Variants in CORO2B observed in about 807,000 individuals in gnomAD.
The protein encoded by CORO2B is coronin-2B.
A neutral mutation model predicts 58.8 loss-of-function variants in CORO2B; 26 were observed. The ratio of observed to expected loss-of-function variants is 0.44; its 90% CI spans 0.32 to 0.61. The LOEUF (loss-of-function observed/expected upper bound fraction) is 0.61. Ranked by LOEUF, CORO2B falls within the 20% of genes least tolerant of loss-of-function variation. The pLI is 0.04. For synonymous variants in CORO2B, 242 were observed against 253.8 expected (o/e 0.95, Z 0.44); for missense variants, 460 against 645.1 (o/e 0.71, Z 3.11).
Position 68,695,209 on chromosome 15 carries a change from A to T in CORO2B, c.286A>T (p.Asn96Tyr). ...GGGCAATGTGCTGGATATCAAATGG[A>T]ACCCCTTCATCGACAACATCATTGC... ...HQGNVLDIKWNPFIDNIIASC... is the reference protein window; with the variant it reads ...HQGNVLDIKWYPFIDNIIASC... Residue 96 changes from asparagine to tyrosine, a missense_variant, in exon 3 of 12, where the codon AAC becomes TAC. Physicochemically the swap from Asn to Tyr is moderately radical, Grantham distance 143 (BLOSUM62 -2). Around this residue, in one of 2 missense-constraint regions of CORO2B, gnomAD observed 352 missense variants for 543.0 expected, o/e 0.65. Transcript: ENST00000261861. 6.2e-7 allele frequency: 1 copy of T among 1,614,158 alleles called. No homozygotes were observed. Among genetic ancestry groups the T allele is most frequent in the Non-Finnish European group, 8.5e-7 (1 of 1,180,034 alleles).
At chr15:68,716,500 A>G (rs960141383) in intron 8 of CORO2B, among the ~76,000 whole-genome samples, 1 of 152,224 alleles carries the variant, frequency 6.6e-6, no homozygotes, top group Non-Finnish European at 1.5e-5. Context: ...AAAACAGAAC[A>G]TGGCCTTACT....
intron 2 of CORO2B, among the ~76,000 whole-genome samples, chr15:68,658,009 G>A (rs915330380): frequency 6.6e-6 from 1 of 152,256 alleles, no homozygotes; most frequent in Non-Finnish European, 1.5e-5. Context: ...CTTCACTCCT[G>A]TGGGGCTCCC....
the CORO2B span, among the ~76,000 whole-genome samples, chr15:68,573,191 C>A: frequency 6.6e-6 from 1 of 152,030 alleles, no homozygotes; most frequent in Non-Finnish European, 1.5e-5. Context: ...GGCAGGGCCC[C>A]CCAACCCCCA....
intron 2 of CORO2B, among the ~76,000 whole-genome samples, chr15:68,689,921 G>A (rs979165892): frequency 1.3e-5 from 2 of 152,194 alleles, no homozygotes; most frequent in African/African-American, 4.8e-5. Flanking sequence ...GAGCCTACTG[G>A]TAAAATTTTT....
At chr15:68,631,909 T>C in intron 1 of CORO2B, 2 of 982,758 alleles carry the variant, frequency 2.0e-6, no homozygotes, top group Non-Finnish European at 2.4e-6. Flanking sequence ...GCTGCTGGAA[T>C]GGCCCCAGAT....
rs569100972 is a variant in CORO2B, at chr15:68,605,753, C to T, written c.15+26476C>T. Among the ~76,000 whole-genome samples the T allele has an allele frequency of 2.1e-3, 246 of 117,100 alleles. 1 individual carries two copies. Among genetic ancestry groups the T allele is most frequent in the Admixed American group, 4.4e-3 (36 of 8,212 alleles). 76.8% of individuals were successfully genotyped at this position (117,100 alleles called of 152,430 possible). The stretch of plus-strand genomic sequence containing the variant: ...TTTTTTTTTTTTTGAGATGGAGTCT[C>T]GCTGTGTCGCCCAGGCGGGAGTGCA... On this transcript the variant is annotated intron_variant, in intron 1 of 11. Transcript: ENST00000261861.
chr15:68,702,815 CTTTTTCTTTTTT>C (rs1892684503), intron 3 of CORO2B, among the ~76,000 whole-genome samples: 1 of 127,984 alleles, frequency 7.8e-6, no homozygotes, highest in South Asian at 2.4e-4. Context: ...TTTTCTTTTT[CTTTTTCTTTTTT>C]TTTTTTTTTT....
intron 2 of CORO2B, among the ~76,000 whole-genome samples, chr15:68,657,517 C>CAAAA (rs373642309): frequency 1.1e-4 from 10 of 87,036 alleles, no homozygotes; most frequent in South Asian, 8.6e-4. Flanking sequence ...GATCCTGTCT[C>CAAAA]AAAAAAAAAA....
intron 2 of CORO2B, among the ~76,000 whole-genome samples, chr15:68,684,494 G>A (rs2140304932): frequency 6.6e-6 from 1 of 152,244 alleles, no homozygotes; most frequent in African/African-American, 2.4e-5. Context: ...ACGTACATAT[G>A]TGTGTGTGTG....
rs1567018611 is a variant in CORO2B, at chr15:68,714,463, A to G, written c.766-96A>G. 3.3e-6 allele frequency: 3 copies of G among 896,572 alleles called. No individual in the cohort carries two copies. In the African/African-American group the frequency reaches 4.9e-5, roughly 15 times the overall value. The allele number at this position is 896,572 out of a possible 1,614,324, so 55.5% of individuals were successfully genotyped here. ...TTTAACATCTAGGGGAGGTCTTAAC[A>G]TAAAGTAGTTGCCATCCTAAGAGGC... On this transcript the variant is annotated intron_variant, in intron 6 of 11. Coordinates refer to ENST00000261861, the MANE Select transcript of CORO2B (RefSeq NM_006091.5).
intron 2 of CORO2B, among the ~76,000 whole-genome samples, chr15:68,658,851 C>T (rs1385329533): frequency 1.3e-5 from 2 of 152,214 alleles, no homozygotes; most frequent in African/African-American, 4.8e-5. Flanking sequence ...AACATGGAGG[C>T]CTGATGAGCC....
At position 68,710,983 on chromosome 15, in the gene CORO2B, G is replaced by T; in HGVS notation, c.483+102G>T. On this transcript the variant is annotated intron_variant, in intron 4 of 11. Transcript: ENST00000261861. The surrounding 1 kb of genome is among the most constrained non-coding windows in gnomAD (Gnocchi z 4.1). ...CTGTTGCTTCCTAAGCAACCAATAT[G>T]GCCTCATCTGTTCATTTGCTTATTC... 1 of 1,266,628 alleles carries T rather than the reference G, an allele frequency of 7.9e-7. No homozygotes were observed. The highest frequency in any genetic ancestry group is 1.1e-6 in the Non-Finnish European group (1 of 939,222). The allele number at this position is 1,266,628 out of a possible 1,614,324, so 78.5% of individuals were successfully genotyped here.
chr15:68,544,940 C>T, the CORO2B span, among the ~76,000 whole-genome samples: 4 of 152,178 alleles, frequency 2.6e-5, no homozygotes, highest in African/African-American at 9.7e-5. Flanking sequence ...TCATGCCCGG[C>T]TAATTTTTGT....
At chr15:68,623,038 A>C (rs1355848031) in intron 1 of CORO2B, among the ~76,000 whole-genome samples, 1 of 152,136 alleles carries the variant, frequency 6.6e-6, no homozygotes, top group East Asian at 1.9e-4. Flanking sequence ...GGTGGTGGGC[A>C]CCTGTAATCT....
rs149337304 is a variant in CORO2B at position 68,640,233 on chromosome 15, C to T, written c.16-4927C>T. Among the ~76,000 whole-genome samples the T allele has an allele frequency of 3.3e-3, 504 of 152,350 alleles. 5 individuals carry two copies. Among genetic ancestry groups the T allele is most frequent in the African/African-American group, 0.011 (474 of 41,576 alleles). On this transcript the variant is annotated intron_variant, in intron 1 of 11. Transcript: ENST00000261861. Reference sequence around the variant, plus strand: ...TTCCAGAACAAACCCTTGGCACTGGCCAGGTGGCCTCCTCACTGCCAACAG... The same window carrying T: ...TTCCAGAACAAACCCTTGGCACTGGTCAGGTGGCCTCCTCACTGCCAACAG...
chr15:68,620,904 T>C (rs1353661371), intron 1 of CORO2B, among the ~76,000 whole-genome samples: 2 of 152,152 alleles, frequency 1.3e-5, no homozygotes, highest in Non-Finnish European at 2.9e-5. Context: ...GAAAGTCTGC[T>C]GGGGTAAATG....
At chr15:68,565,458 G>C in the CORO2B span, among the ~76,000 whole-genome samples, 1 of 151,174 alleles carries the variant, frequency 6.6e-6, no homozygotes, top group Non-Finnish European at 1.5e-5. Context: ...TGCTCCACAG[G>C]CCTCTTCTGT....
the CORO2B span, among the ~76,000 whole-genome samples, chr15:68,556,208 G>A: frequency 2.0e-5 from 3 of 152,214 alleles, no homozygotes; most frequent in East Asian, 1.9e-4. Flanking sequence ...ACAGGGATGC[G>A]TGGCAGGAAG....
chr15:68,585,996 G>A (rs948230601), intron 1 of CORO2B, among the ~76,000 whole-genome samples: 1 of 152,168 alleles, frequency 6.6e-6, no homozygotes, highest in African/African-American at 2.4e-5. Flanking sequence ...CAGCCCTTAC[G>A]AAGCAGCCTT....
Sources: gnomAD v4.1 joint callset for allele counts (sites outside exome capture counted in the v4.1 genomes callset) on GRCh38, gnomAD v4.1.1 for gene constraint, gnomAD v4.1.1 regional missense constraint, Gnocchi (gnomAD v3.1) non-coding constraint, MANE v1.5 for transcripts, NCBI Gene and HGNC (gene_info 2026-07-23, HGNC 2026-07-21) for gene names.